TAB2: variants seen among roughly 807,000 people sequenced by gnomAD.
TAB2 encodes TGF-beta-activated kinase 1 and MAP3K7-binding protein 2.
Under a neutral mutation model 65.0 loss-of-function variants are expected in TAB2, and 3 were observed. That is an observed-to-expected ratio of 0.05 (90% CI 0.02 to 0.12). The LOEUF (loss-of-function observed/expected upper bound fraction) is 0.12, where lower values mean the gene tolerates loss of function less well. TAB2 is among the 10% of genes least tolerant of loss of function. The pLI, the probability that TAB2 is intolerant of heterozygous loss-of-function variation, is 1.00. For synonymous variants in TAB2, 298 were observed against 285.1 expected, an observed-to-expected ratio of 1.05 and a Z score of -0.46; for missense variants, 623 against 840.3, an observed-to-expected ratio of 0.74 and a Z score of 3.20.
intron 1 of TAB2, among the ~76,000 whole-genome samples, chr6:149,341,131 A>G (rs1381797518): frequency 1.3e-5 from 2 of 152,108 alleles, no homozygotes; most frequent in Admixed American, 6.5e-5. Flanking sequence ...TAACTTTTTA[A>G]CAAGAGATGT....
intron 1 of TAB2, among the ~76,000 whole-genome samples, chr6:149,275,300 G>GAAAGAA (rs1223068467): frequency 7.8e-6 from 1 of 128,398 alleles, no homozygotes; most frequent in Non-Finnish European, 1.7e-5. Context: ...AAGAAAGAAA[G>GAAAGAA]AGAAAAAAGA....
At chr6:149,398,604 GA>G (rs1286984839) in intron 5 of TAB2, among the ~76,000 whole-genome samples, 1 of 151,878 alleles carries the variant, frequency 6.6e-6, no homozygotes, top group Non-Finnish European at 1.5e-5. Flanking sequence ...AACATTCATA[GA>G]AAAATACCAT....
At chr6:149,277,536 T>C (rs569946584) in intron 1 of TAB2, among the ~76,000 whole-genome samples, 2 of 152,236 alleles carry the variant, frequency 1.3e-5, no homozygotes, top group East Asian at 1.9e-4. Context: ...CACCAGTGAT[T>C]ACCAATTGGG....
At chr6:149,304,246 G>A (rs1779019163) in intron 1 of TAB2, 1 of 152,516 alleles carries the variant, frequency 6.6e-6, no homozygotes, top group Admixed American at 6.5e-5. Context: ...CATTATCTAA[G>A]GTTATGGTAC....
At chr6:149,237,961 G>A (rs915396304) in intron 1 of TAB2, among the ~76,000 whole-genome samples, 2 of 152,176 alleles carry the variant, frequency 1.3e-5, no homozygotes, top group African/African-American at 4.8e-5. Flanking sequence ...CAGCCCCACA[G>A]TGTGTGCACC....
chr6:149,244,744 CG>C (rs1229650093), intron 1 of TAB2: 1 of 152,034 alleles, frequency 6.6e-6, no homozygotes, highest in African/African-American at 2.4e-5. Flanking sequence ...ACTAGCCAGG[CG>C]TGGGGGTGCA....
intron 1 of TAB2, among the ~76,000 whole-genome samples, chr6:149,356,704 G>A (rs1780664665): frequency 6.6e-6 from 1 of 152,172 alleles, no homozygotes; most frequent in African/African-American, 2.4e-5. Context: ...CGAATTTTGA[G>A]GGGACCTGAC....
chr6:149,246,709 C>A (rs926959112), intron 1 of TAB2: 1 of 152,170 alleles, frequency 6.6e-6, no homozygotes, highest in Non-Finnish European at 1.5e-5. Flanking sequence ...GCTCTCTTGC[C>A]GGGCTGGAGC....
At chr6:149,302,214 A>C (rs757962687) in intron 1 of TAB2, among the ~76,000 whole-genome samples, 5 of 152,212 alleles carry the variant, frequency 3.3e-5, no homozygotes, top group Non-Finnish European at 7.3e-5. Flanking sequence ...ATTTATACAA[A>C]TATATAAGCA....
At chr6:149,345,855 A>C (rs892529985) in intron 1 of TAB2, among the ~76,000 whole-genome samples, 16 of 152,188 alleles carry the variant, frequency 1.1e-4, no homozygotes, top group Non-Finnish European at 2.1e-4. Flanking sequence ...ATAAGGTCTT[A>C]TAGGTCCATA....
chr6:149,386,573 A>G (rs1169009377), intron 3 of TAB2, among the ~76,000 whole-genome samples: 1 of 152,246 alleles, frequency 6.6e-6, no homozygotes, highest in Non-Finnish European at 1.5e-5. Flanking sequence ...TCTATGGTAT[A>G]GCAGCAACAT....
intron 1 of TAB2, among the ~76,000 whole-genome samples, chr6:149,305,798 T>C (rs955938173): frequency 5.3e-5 from 8 of 152,350 alleles, no homozygotes; most frequent in Middle Eastern, 3.4e-3. Flanking sequence ...CACAGACTTA[T>C]GATTATAAAG....
rs111665762 is a variant in TAB2 at position 149,288,086 on chromosome 6, T to C, written c.-121+69310T>C. On this transcript the variant is annotated intron_variant, in intron 1 of 1. Transcript: ENST00000606202. ...ACAGTAAATATTGTTAAACCTTTAC[T>C]ATGGGCCTAGTACTATGCAAACTAC... Among the ~76,000 whole-genome samples, 528 of 152,366 alleles carry C rather than the reference T, an allele frequency of 3.5e-3. 2 individuals are homozygous for C. The highest frequency in any genetic ancestry group is 0.012 in the African/African-American group (515 of 41,588).
chr6:149,367,375 A>G (rs929320040), intron 1 of TAB2, among the ~76,000 whole-genome samples: 2 of 152,088 alleles, frequency 1.3e-5, no homozygotes, highest in Admixed American at 1.3e-4. Flanking sequence ...TTCCAGTAGT[A>G]AAGGAGCAGC....
intron 1 of TAB2, among the ~76,000 whole-genome samples, chr6:149,333,370 C>T (rs753107350): frequency 8.8e-4 from 134 of 152,166 alleles, no homozygotes; most frequent in Non-Finnish European, 1.5e-3. Context: ...TTCGTCTAAA[C>T]TTTGGCCCAG....
At chr6:149,348,186 A>T (rs991238772) in intron 1 of TAB2, among the ~76,000 whole-genome samples, 2 of 152,252 alleles carry the variant, frequency 1.3e-5, no homozygotes, top group South Asian at 4.1e-4. Context: ...TGAGTCCAGG[A>T]GTTCAAGACC....
intron 1 of TAB2, among the ~76,000 whole-genome samples, chr6:149,365,224 G>A (rs1781000695): frequency 6.6e-6 from 1 of 152,094 alleles, no homozygotes; most frequent in South Asian, 2.1e-4. Context: ...TTTATTATGA[G>A]AAATAATTTT....
intron 1 of TAB2, among the ~76,000 whole-genome samples, chr6:149,297,641 C>CA (rs1308666762): frequency 6.6e-6 from 1 of 152,194 alleles, no homozygotes; most frequent in African/African-American, 2.4e-5. Flanking sequence ...CCTCCCGGTT[C>CA]AGTCTGCTGA....
chr6:149,275,067 G>A (rs1778429292), intron 1 of TAB2, among the ~76,000 whole-genome samples: 1 of 151,348 alleles, frequency 6.6e-6, no homozygotes, highest in African/African-American at 2.4e-5. Flanking sequence ...AACTGGAGGT[G>A]TGGACTGATA....
Sources: allele counts gnomAD v4.1 joint callset (sites outside exome capture counted in the v4.1 genomes callset), GRCh38; gene constraint gnomAD v4.1.1; transcripts MANE v1.5; gene names NCBI Gene and HGNC (gene_info 2026-07-23, HGNC 2026-07-21).